Variants in ZBTB44 observed in about 807,000 individuals in gnomAD.
ZBTB44 encodes zinc finger and BTB domain-containing protein 44.
Under a neutral mutation model 54.0 loss-of-function variants are expected in ZBTB44, and 15 were observed. The ratio of observed to expected loss-of-function variants is 0.28; its 90% CI spans 0.19 to 0.43. The LOEUF is 0.43. Among genes scored for constraint, ZBTB44 ranks in the 20% least tolerant of loss-of-function variants. The pLI is 1.00. For missense variants in ZBTB44, 487 were observed against 707.1 expected (o/e 0.69, Z 3.53); for synonymous variants, 230 against 250.1 (o/e 0.92, Z 0.76).
intron 1 of ZBTB44, among the ~76,000 whole-genome samples, chr11:130,280,386 T>C (rs1940418634): frequency 6.6e-6 from 1 of 152,156 alleles, no homozygotes; most frequent in Non-Finnish European, 1.5e-5. Context: ...AAAGCTGAAC[T>C]GGATTAACTC....
chr11:130,241,061 G>A (rs1030032634), intron 2 of ZBTB44, among the ~76,000 whole-genome samples: 3 of 152,064 alleles, frequency 2.0e-5, no homozygotes, highest in Non-Finnish European at 2.9e-5. Flanking sequence ...TCGTTTTTAC[G>A]TGTAACCAAA....
chr11:130,229,748 C>G lies in ZBTB44; in HGVS notation c.*2016G>C, dbSNP rs1053617189. On this transcript the variant is annotated 3_prime_UTR_variant, in exon 8 of 8. Coordinates refer to ENST00000357899, the MANE Select transcript of ZBTB44 (RefSeq NM_001301098.2). ...CTTTTATACATTCATCTCTCAATAA[C>G]TTTCAAAATCTAAATATATTACAAA... is the stretch of plus-strand genomic sequence containing the variant. 2 of 152,154 alleles carry G rather than the reference C, an allele frequency of 1.3e-5. No homozygotes were observed. Among genetic ancestry groups the G allele is most frequent in the African/African-American group, 4.8e-5 (2 of 41,452 alleles). The allele number at this position is 152,154 out of a possible 1,614,324, so 9.4% of individuals were successfully genotyped here.
At chr11:130,253,726 G>C (rs1938212266) in intron 2 of ZBTB44, among the ~76,000 whole-genome samples, 1 of 152,096 alleles carries the variant, frequency 6.6e-6, no homozygotes, top group African/African-American at 2.4e-5. Context: ...CTACTTTAAA[G>C]TTCACATGGA....
chr11:130,310,248 C>T, intron 1 of ZBTB44: 1 of 152,326 alleles, frequency 6.6e-6, no homozygotes, highest in Non-Finnish European at 1.5e-5. Flanking sequence ...ATCCCTTGAG[C>T]CCAGAAGTTC....
At position 130,261,032 on chromosome 11, in the gene ZBTB44, A is replaced by G; in HGVS notation, c.842T>C (p.Leu281Ser). ...GACCCGGACATCTTCTTCGGTACCT[A>G]AAGGCAAGGTAGTTTTTGTGCTCTC... is the stretch of plus-strand genomic sequence containing the variant. ...TCESTKTTLPLGTEEDVRVKV... is the reference protein window; with the variant it reads ...TCESTKTTLPSGTEEDVRVKV... Residue 281 changes from leucine (L) to serine (S), a missense_variant, in exon 2 of 8, where the codon TTA (leucine) becomes TCA (serine). Around this residue, in one of 3 missense-constraint regions of ZBTB44, gnomAD observed 277 missense variants for 306.5 expected, o/e 0.90. Transcript: ENST00000357899. The surrounding 1 kb of genome is among the most constrained non-coding windows in gnomAD (Gnocchi z 4.8). 6.2e-7 allele frequency: 1 copy of G among 1,613,946 alleles called. No homozygotes were observed. Among genetic ancestry groups the G allele is most frequent in the Non-Finnish European group, 8.5e-7 (1 of 1,179,884 alleles).
At chr11:130,254,956 C>G (rs1591963960) in intron 2 of ZBTB44, among the ~76,000 whole-genome samples, 3 of 151,546 alleles carry the variant, frequency 2.0e-5, no homozygotes, top group South Asian at 2.1e-4. Flanking sequence ...CCATCATTCT[C>G]AGCAAACTAT....
intron 1 of ZBTB44, among the ~76,000 whole-genome samples, chr11:130,269,596 A>T (rs1939523578): frequency 6.6e-6 from 1 of 152,218 alleles, no homozygotes; most frequent in African/African-American, 2.4e-5. Context: ...AATTTAAGGG[A>T]ATACAAAAAA....
intron 2 of ZBTB44, among the ~76,000 whole-genome samples, chr11:130,240,993 C>T (rs984626189): frequency 3.3e-5 from 5 of 152,146 alleles, no homozygotes; most frequent in African/African-American, 4.8e-5. Flanking sequence ...TTATATAAAC[C>T]GGGTCATACT....
At chr11:130,257,818 CA>C (rs1157122915) in intron 2 of ZBTB44, among the ~76,000 whole-genome samples, 1 of 152,142 alleles carries the variant, frequency 6.6e-6, no homozygotes, top group Non-Finnish European at 1.5e-5. Context: ...TATCCCTTCC[CA>C]AACCTGAATA....
intron 7 of ZBTB44, chr11:130,232,647 A>G (rs1300421406): frequency 6.6e-6 from 1 of 152,204 alleles, no homozygotes; most frequent in East Asian, 1.9e-4. Context: ...TAACTTTGCA[A>G]TGTCTAAAAA....
chr11:130,279,962 G>C (rs891125503), intron 1 of ZBTB44, among the ~76,000 whole-genome samples: 3 of 152,164 alleles, frequency 2.0e-5, no homozygotes, highest in Non-Finnish European at 2.9e-5. Context: ...GGAAATAATT[G>C]CAAGATTCTC....
rs1953796077 is a variant in ZBTB44 at position 130,229,441 on chromosome 11, T to A, written c.*2323A>T. On this transcript the variant is annotated 3_prime_UTR_variant, in exon 8 of 8. Coordinates refer to ENST00000357899, the MANE Select transcript of ZBTB44 (RefSeq NM_001301098.2). ...GAGCCTGGGATTGAATCAATTCCAC[T>A]TTATTGTTTAATCTGAACCATTATT... 6.6e-6 allele frequency: 1 copy of A among 152,194 alleles called. No homozygotes were observed. The highest frequency in any genetic ancestry group is 1.9e-4 in the East Asian group (1 of 5,204). The allele number at this position is 152,194 out of a possible 1,614,324, so 9.4% of individuals were successfully genotyped here.
intron 1 of ZBTB44, chr11:130,296,137 T>C: frequency 1.3e-6 from 2 of 1,489,462 alleles, no homozygotes; most frequent in Non-Finnish European, 1.9e-6. Context: ...TATGCTCTTT[T>C]CTGCCACCCA....
At position 130,238,435 on chromosome 11, in the gene ZBTB44, T is replaced by G. The variant is rs757856915; in HGVS notation, c.1267+9A>C. The G allele has an allele frequency of 1.4e-5, 23 of 1,600,966 alleles. 1 individual carries two copies. In the South Asian group the frequency reaches 2.5e-4, roughly 17 times the overall value. On this transcript the variant is annotated intron_variant, in intron 4 of 7. Coordinates refer to ENST00000357899, the MANE Select transcript of ZBTB44 (RefSeq NM_001301098.2). ...TTCACTTACGCACCAACAGGGAAGG[T>G]GACATTACCTGAGTGGATGAGCATG...
intron 1 of ZBTB44, among the ~76,000 whole-genome samples, chr11:130,314,093 T>C (rs1942794252): frequency 6.6e-6 from 1 of 151,590 alleles, no homozygotes. Flanking sequence ...CTCCGGCCGC[T>C]CCGGGTTAGG....
At chr11:130,270,305 A>C (rs1185115942) in intron 1 of ZBTB44, among the ~76,000 whole-genome samples, 2 of 152,340 alleles carry the variant, frequency 1.3e-5, no homozygotes, top group African/African-American at 2.4e-5. Context: ...TGAAGGACAG[A>C]AAAGGTTAAG....
chr11:130,263,630 A>G (rs1197127074), intron 1 of ZBTB44, among the ~76,000 whole-genome samples: 1 of 152,252 alleles, frequency 6.6e-6, no homozygotes, highest in Non-Finnish European at 1.5e-5. Context: ...CATCTTGAAT[A>G]GGCCCCAAAC....
chr11:130,262,068 T>TTTAGAA, intron 1 of ZBTB44, 139 bp from the exon 2 acceptor site: 1 of 618,226 alleles, frequency 1.6e-6, no homozygotes, highest in Admixed American at 3.2e-5. Flanking sequence ...GTAGGGACTG[T>TTTAGAA]ATAGAAATAT....
intron 1 of ZBTB44, among the ~76,000 whole-genome samples, chr11:130,276,095 A>G (rs1940047711): frequency 6.6e-6 from 1 of 151,644 alleles, no homozygotes; most frequent in Non-Finnish European, 1.5e-5. Flanking sequence ...GCATGGTGGC[A>G]GGTGCCTATA....
Sources: allele counts gnomAD v4.1 joint callset (sites outside exome capture counted in the v4.1 genomes callset), GRCh38; gene constraint gnomAD v4.1.1; regional missense constraint gnomAD v4.1.1; non-coding constraint Gnocchi (gnomAD v3.1); transcripts MANE v1.5; gene names NCBI Gene and HGNC (gene_info 2026-07-23, HGNC 2026-07-21).